The following AUTS2 variants were observed in gnomAD, a reference collection of about 807,000 sequenced individuals.
AUTS2 encodes activator of transcription and developmental regulator AUTS2.
A neutral mutation model predicts 112.4 loss-of-function variants in AUTS2; 17 were observed. The ratio of observed to expected loss-of-function variants is 0.15; its 90% CI spans 0.10 to 0.23. The LOEUF is 0.23. Among genes scored for constraint, AUTS2 ranks in the 10% least tolerant of loss-of-function variants. AUTS2 has a pLI of 1.00. For missense variants in AUTS2, 1,510 were observed against 1,701.6 expected, an observed-to-expected ratio of 0.89 and a Z score of 1.98; for synonymous variants, 751 against 702.7, an observed-to-expected ratio of 1.07 and a Z score of -1.09.
intron 1 of AUTS2, among the ~76,000 whole-genome samples, chr7:69,617,860 C>T (rs1050737223): frequency 1.3e-5 from 2 of 152,148 alleles, no homozygotes; most frequent in Non-Finnish European, 2.9e-5. Context: ...TACAGAATTC[C>T]AGTGCCCAGT....
chr7:70,791,000 G>T lies in AUTS2; in HGVS notation c.*4G>T. 6.7e-7 allele frequency: 1 copy of T among 1,489,708 alleles called. No homozygotes were observed. The highest frequency in any genetic ancestry group is 1.4e-5 in the African/African-American group (1 of 71,204). The allele number at this position is 1,489,708 out of a possible 1,614,324, so 92.3% of individuals were successfully genotyped here. On this transcript the variant is annotated 3_prime_UTR_variant, in exon 19 of 19. Transcript: ENST00000342771. The surrounding 1 kb of genome is among the most constrained non-coding windows in gnomAD (Gnocchi z 7.6). ...GAAGGATATCGAGGCCCGATAAGCC[G>T]AGAACAGGAGCAAGAACGAGGAAGA...
intron 1 of AUTS2, among the ~76,000 whole-genome samples, chr7:69,627,411 A>C (rs1415898596): frequency 6.6e-6 from 1 of 152,162 alleles, no homozygotes; most frequent in African/African-American, 2.4e-5. Context: ...GAAACACTTG[A>C]ACCCAGGAGG....
intron 5 of AUTS2, among the ~76,000 whole-genome samples, chr7:70,592,004 C>G (rs1802970632): frequency 6.6e-6 from 1 of 151,972 alleles, no homozygotes; most frequent in Admixed American, 6.6e-5. Context: ...AAAAATGTTG[C>G]TGGTTATAAA....
At chr7:69,670,555 C>CAAAAAAAAAAAAA (rs200373158) in intron 1 of AUTS2, among the ~76,000 whole-genome samples, 1 of 119,072 alleles carries the variant, frequency 8.4e-6, no homozygotes, top group African/African-American at 3.3e-5. Flanking sequence ...CTTGATCCCT[C>CAAAAAAAAAAAAA]AAAAAAAAAA....
chr7:70,245,775 A>G (rs1812892135), intron 4 of AUTS2, among the ~76,000 whole-genome samples: 1 of 152,144 alleles, frequency 6.6e-6, no homozygotes, highest in Non-Finnish European at 1.5e-5. Flanking sequence ...GCTTGGGTTT[A>G]GGGTATGCAC....
chr7:70,085,338 G>C (rs1803540536), intron 2 of AUTS2, among the ~76,000 whole-genome samples: 1 of 151,538 alleles, frequency 6.6e-6, no homozygotes, highest in African/African-American at 2.4e-5. Context: ...TATGAAATGA[G>C]ACATATAGTG....
chr7:70,696,031 T>TA (rs34605942), intron 5 of AUTS2, among the ~76,000 whole-genome samples: 118 of 152,068 alleles, frequency 7.8e-4, no homozygotes, highest in African/African-American at 2.8e-3. Flanking sequence ...TAATTTTTTT[T>TA]AAAAAGCCAG....
chr7:70,565,249 G>A (rs1801660172), intron 5 of AUTS2, among the ~76,000 whole-genome samples: 1 of 152,206 alleles, frequency 6.6e-6, no homozygotes, highest in Non-Finnish European at 1.5e-5. Flanking sequence ...CTGGAAAGGT[G>A]GGAGTAGTGG....
chr7:70,050,337 C>T (rs1801691530), intron 2 of AUTS2, among the ~76,000 whole-genome samples: 1 of 103,996 alleles, frequency 9.6e-6, no homozygotes, highest in Middle Eastern at 0.013. Flanking sequence ...AGCCTGGCGA[C>T]AGAGCAAGAC....
At chr7:70,395,492 A>C (rs1354733781) in intron 4 of AUTS2, among the ~76,000 whole-genome samples, 2 of 152,248 alleles carry the variant, frequency 1.3e-5, no homozygotes, top group Non-Finnish European at 2.9e-5. Context: ...CATTATCATT[A>C]ATAGCTCATC....
chr7:70,311,464 G>A (rs1346045429), intron 4 of AUTS2, among the ~76,000 whole-genome samples: 2 of 152,206 alleles, frequency 1.3e-5, no homozygotes, highest in Admixed American at 1.3e-4. Context: ...TGTGGCTGAC[G>A]CCAGTAGGGT....
At chr7:70,769,161 T>TGAAA (rs1416026169) in intron 10 of AUTS2, among the ~76,000 whole-genome samples, 2 of 152,166 alleles carry the variant, frequency 1.3e-5, no homozygotes, top group Non-Finnish European at 2.9e-5. Context: ...TAACGTAAGA[T>TGAAA]GAAAGACCTC....
intron 4 of AUTS2, among the ~76,000 whole-genome samples, chr7:70,286,074 C>A (rs974865899): frequency 1.3e-5 from 2 of 152,072 alleles, no homozygotes; most frequent in Admixed American, 6.6e-5. Context: ...GAAAGCAGCA[C>A]GTTCAAAGAC....
At chr7:70,166,475 A>G (rs766949448) in intron 4 of AUTS2, among the ~76,000 whole-genome samples, 12 of 152,180 alleles carry the variant, frequency 7.9e-5, no homozygotes, top group Non-Finnish European at 1.5e-4. Context: ...ATGGAAATAT[A>G]CTGTTGTAAG....
rs144222963 is a variant in AUTS2, at chr7:70,664,872, G to A, written c.691-33697G>A. 2.0e-4 allele frequency among the ~76,000 whole-genome samples: 31 copies of A among 152,186 alleles called. 1 individual carries two copies. In the East Asian group the frequency reaches 5.8e-3, roughly 29 times the overall value. On this transcript the variant is annotated intron_variant, in intron 5 of 18. Coordinates refer to ENST00000342771, the MANE Select transcript of AUTS2 (RefSeq NM_015570.4). ...GTTTGCTTGAGGACAGGAGGTCAAGGCCAGCCTGGGCAACATAGCAAGATC... is the reference window on the plus strand; with the variant it reads ...GTTTGCTTGAGGACAGGAGGTCAAGACCAGCCTGGGCAACATAGCAAGATC...
chr7:70,675,240 C>G (rs1807850788), intron 5 of AUTS2, among the ~76,000 whole-genome samples: 1 of 152,180 alleles, frequency 6.6e-6, no homozygotes, highest in South Asian at 2.1e-4. Context: ...CGCCTGTAAT[C>G]CCAGCACCTT....
intron 2 of AUTS2, among the ~76,000 whole-genome samples, chr7:70,043,365 A>C (rs1331705533): frequency 6.6e-6 from 1 of 152,160 alleles, no homozygotes; most frequent in Non-Finnish European, 1.5e-5. Flanking sequence ...AACGTTGGAC[A>C]TAATTATGAC....
At chr7:69,761,609 G>A (rs1032049231) in intron 1 of AUTS2, among the ~76,000 whole-genome samples, 10 of 152,142 alleles carry the variant, frequency 6.6e-5, no homozygotes, top group African/African-American at 2.4e-4. Context: ...AAATGTGACA[G>A]GACATGGATT....
intron 2 of AUTS2, among the ~76,000 whole-genome samples, chr7:70,046,681 C>T (rs929084467): frequency 2.0e-5 from 3 of 152,062 alleles, no homozygotes; most frequent in African/African-American, 4.8e-5. Flanking sequence ...TAGTAATTGT[C>T]GATTAAACCA....
Sources: gnomAD v4.1 joint callset for allele counts (sites outside exome capture counted in the v4.1 genomes callset) on GRCh38, gnomAD v4.1.1 for gene constraint, Gnocchi (gnomAD v3.1) non-coding constraint, MANE v1.5 for transcripts, NCBI Gene and HGNC (gene_info 2026-07-23, HGNC 2026-07-21) for gene names.